Variants in WWP1 observed in about 807,000 individuals in gnomAD.
The protein encoded by WWP1 is NEDD4-like E3 ubiquitin-protein ligase WWP1.
WWP1 carries 49 observed loss-of-function variants against 130.6 expected under a neutral mutation model. The ratio of observed to expected loss-of-function variants is 0.38; its 90% CI spans 0.30 to 0.48. The LOEUF is 0.48. Among genes scored for constraint, WWP1 ranks in the 20% least tolerant of loss-of-function variants. The pLI is 0.99. For synonymous variants in WWP1, 332 were observed against 367.8 expected, an observed-to-expected ratio of 0.90 and a Z score of 1.11; for missense variants, 809 against 1,100.6, an observed-to-expected ratio of 0.74 and a Z score of 3.75.
At chr8:86,406,837 T>C (rs781626074) in intron 8 of WWP1, among the ~76,000 whole-genome samples, 13 of 152,256 alleles carry the variant, frequency 8.5e-5, no homozygotes, top group Non-Finnish European at 1.6e-4. Flanking sequence ...GCTGTGTATA[T>C]GCAAGCAGTC....
chr8:86,435,713 G>T lies in WWP1; in HGVS notation c.1749+9G>T. ...AAGATTCCTTCCAACAGGTAAGGAG[G>T]ATTTTAGCAGAATAAAACACCATTT... On this transcript the variant is annotated intron_variant, in intron 16 of 24. Transcript: ENST00000517970. 1.9e-6 allele frequency: 3 copies of T among 1,610,560 alleles called. No homozygotes were observed. The South Asian group carries it at 3.3e-5, about 18-fold the overall frequency.
chr8:86,399,659 A>T lies in WWP1; in HGVS notation c.539+1021A>T, dbSNP rs139562779. Among the ~76,000 whole-genome samples the T allele has an allele frequency of 9.9e-3, 1,503 of 152,264 alleles. 27 individuals carry two copies. Among genetic ancestry groups the T allele is most frequent in the African/African-American group, 0.034 (1,429 of 41,522 alleles). On this transcript the variant is annotated intron_variant, in intron 7 of 24. Transcript: ENST00000517970. The stretch of plus-strand genomic sequence containing the variant: ...CATATATTTAATGTCCATATAATTT[A>T]AAAAAATTTAGATGGATAGAGGAGC...
intron 5 of WWP1, among the ~76,000 whole-genome samples, chr8:86,382,868 T>G (rs1825060521): frequency 6.6e-6 from 1 of 152,220 alleles, no homozygotes. Context: ...TCTTCTTATT[T>G]CTGTAGAGAT....
At chr8:86,366,627 A>G (rs564969726) in intron 1 of WWP1, among the ~76,000 whole-genome samples, 2 of 152,164 alleles carry the variant, frequency 1.3e-5, no homozygotes, top group Non-Finnish European at 2.9e-5. Context: ...ACAGAATTAT[A>G]TTTTTATAAC....
At chr8:86,375,760 T>C (rs1239959275) in intron 3 of WWP1, among the ~76,000 whole-genome samples, 1 of 152,220 alleles carries the variant, frequency 6.6e-6, no homozygotes, top group Non-Finnish European at 1.5e-5. Context: ...TTATGTCTGC[T>C]CATGTATCAA....
chr8:86,453,273 G>T (rs1262269371), intron 21 of WWP1, among the ~76,000 whole-genome samples: 2 of 152,076 alleles, frequency 1.3e-5, no homozygotes, highest in Non-Finnish European at 2.9e-5. Context: ...CCTCCTATGA[G>T]TGAAATCATA....
intron 14 of WWP1, 55 bp from the exon 15 acceptor site, chr8:86,435,397 A>C: frequency 1.9e-6 from 3 of 1,558,020 alleles, no homozygotes; most frequent in Non-Finnish European, 2.6e-6. Context: ...TATACTGAAT[A>C]CTAAATATTC....
At chr8:86,372,017 A>AC (rs1299867372) in intron 2 of WWP1, among the ~76,000 whole-genome samples, 7 of 70,212 alleles carry the variant, frequency 1.0e-4, no homozygotes, top group Non-Finnish European at 1.3e-4. Flanking sequence ...TAATTTTTGT[A>AC]TTTTTTTTTT....
chr8:86,389,667 G>T (rs867892590), intron 5 of WWP1, among the ~76,000 whole-genome samples: 2 of 152,194 alleles, frequency 1.3e-5, no homozygotes, highest in African/African-American at 2.4e-5. Flanking sequence ...ATGAGCTGTT[G>T]GGTACACCTC....
chr8:86,392,446 TTTTA>T (rs900124905), intron 5 of WWP1, among the ~76,000 whole-genome samples: 1 of 152,172 alleles, frequency 6.6e-6, no homozygotes, highest in African/African-American at 2.4e-5. Context: ...GACTGAGGTT[TTTTA>T]TTTATTTTAT....
chr8:86,424,089 G>A (rs1431395558), intron 9 of WWP1, among the ~76,000 whole-genome samples: 6 of 151,524 alleles, frequency 4.0e-5, no homozygotes, highest in African/African-American at 1.2e-4. Flanking sequence ...CTTCTCAGAT[G>A]GGGCGGCTGC....
intron 3 of WWP1, 55 bp from the exon 4 acceptor site, chr8:86,380,671 G>A (rs1175378278): frequency 5.2e-6 from 8 of 1,533,102 alleles, no homozygotes; most frequent in Admixed American, 2.0e-5. Flanking sequence ...ATTGATTAGT[G>A]TGCAGTACTA....
At chr8:86,412,938 G>T (rs1808674724) in intron 9 of WWP1, among the ~76,000 whole-genome samples, 1 of 151,930 alleles carries the variant, frequency 6.6e-6, no homozygotes, top group Admixed American at 6.6e-5. Flanking sequence ...AAGTGAGTCT[G>T]CTGCCTTAGC....
chr8:86,403,942 G>A (rs1049235340), intron 8 of WWP1, among the ~76,000 whole-genome samples: 2 of 152,110 alleles, frequency 1.3e-5, no homozygotes, highest in African/African-American at 4.8e-5. Flanking sequence ...ATTCCTATTA[G>A]CAAAGCAGAA....
Position 86,448,450 on chromosome 8 carries a change from A to G in WWP1, c.2210A>G (p.His737Arg). Residue 737 changes from histidine to arginine, a missense_variant, in exon 20 of 25, where the codon CAT becomes CGT. Around this residue, in one of 3 missense-constraint regions of WWP1, gnomAD observed 450 missense variants for 674.2 expected, o/e 0.67. Transcript: ENST00000517970. The stretch of plus-strand genomic sequence containing the variant: ...GAGATTTTGGGAAAAGTTACTTCAC[A>G]TGACCTGAAGTTGGGAGGTTCCAAT... ...DMEILGKVTSHDLKLGGSNIL... is the reference protein window; with the variant it reads ...DMEILGKVTSRDLKLGGSNIL... 3 of 1,613,750 alleles carry G rather than the reference A, an allele frequency of 1.9e-6. No homozygotes were observed. Among genetic ancestry groups the G allele is most frequent in the South Asian group, 1.1e-5 (1 of 91,068 alleles).
chr8:86,389,903 C>T (rs910955187), intron 5 of WWP1, among the ~76,000 whole-genome samples: 6 of 151,252 alleles, frequency 4.0e-5, no homozygotes, highest in Admixed American at 1.3e-4. Flanking sequence ...CTGGACGGGG[C>T]GGCTGCCGGG....
intron 7 of WWP1, among the ~76,000 whole-genome samples, chr8:86,399,134 A>AT (rs887590724): frequency 3.3e-5 from 5 of 151,936 alleles, no homozygotes; most frequent in Non-Finnish European, 7.4e-5. Flanking sequence ...ACAGTGCTTT[A>AT]TTTTTTTTAT....
chr8:86,385,194 G>A (rs1009145853), intron 5 of WWP1, among the ~76,000 whole-genome samples: 1 of 152,178 alleles, frequency 6.6e-6, no homozygotes, highest in African/African-American at 2.4e-5. Flanking sequence ...TTTCTGAGGT[G>A]TGCTCTATAT....
At chr8:86,456,684 T>C (rs1191261494) in intron 21 of WWP1, among the ~76,000 whole-genome samples, 1 of 151,928 alleles carries the variant, frequency 6.6e-6, no homozygotes, top group Non-Finnish European at 1.5e-5. Flanking sequence ...ATGCTAAAAA[T>C]TGAAAGTAAC....
Sources: allele counts gnomAD v4.1 joint callset (sites outside exome capture counted in the v4.1 genomes callset), GRCh38; gene constraint gnomAD v4.1.1; regional missense constraint gnomAD v4.1.1; transcripts MANE v1.5; gene names NCBI Gene and HGNC (gene_info 2026-07-23, HGNC 2026-07-21).